CPQ: variants seen among roughly 807,000 people sequenced by gnomAD.
The protein encoded by CPQ is carboxypeptidase Q, also known as Ser-Met dipeptidase.
In CPQ, 37 loss-of-function variants were observed where a neutral mutation model predicts 45.7. That is an observed-to-expected ratio of 0.81 (90% CI 0.62 to 1.07). CPQ has a LOEUF of 1.07. CPQ is among the 50% of genes least tolerant of loss of function. The pLI is 0.00. For missense variants in CPQ, 537 were observed against 572.9 expected (o/e 0.94, Z 0.64); for synonymous variants, 186 against 205.8 (o/e 0.90, Z 0.82).
At chr8:97,100,066 A>G (rs767332403) in intron 7 of CPQ, among the ~76,000 whole-genome samples, 5 of 152,236 alleles carry the variant, frequency 3.3e-5, no homozygotes, top group Non-Finnish European at 7.3e-5. Flanking sequence ...AAGCAGAAGC[A>G]TAGCTACTGT....
chr8:96,994,042 A>G (rs1380179353), intron 5 of CPQ, among the ~76,000 whole-genome samples: 1 of 152,062 alleles, frequency 6.6e-6, no homozygotes, highest in East Asian at 1.9e-4. Flanking sequence ...TTCAACCCTC[A>G]CTTTCCCTGG....
At chr8:97,130,924 C>T (rs1267733818) in intron 7 of CPQ, among the ~76,000 whole-genome samples, 1 of 152,010 alleles carries the variant, frequency 6.6e-6, no homozygotes, top group African/African-American at 2.4e-5. Flanking sequence ...TGCATCTCTT[C>T]ATCAGGTAGT....
intron 5 of CPQ, among the ~76,000 whole-genome samples, chr8:97,008,074 C>T (rs960428371): frequency 6.6e-6 from 1 of 152,110 alleles, no homozygotes; most frequent in Admixed American, 6.5e-5. Flanking sequence ...GCTTCCTGAA[C>T]TATCGCCTCT....
intron 2 of CPQ, among the ~76,000 whole-genome samples, chr8:96,800,617 A>G (rs192885964): frequency 4.7e-4 from 71 of 152,186 alleles, no homozygotes; most frequent in African/African-American, 1.7e-3. Context: ...AGGGACTATG[A>G]CAAAACAGTT....
intron 5 of CPQ, among the ~76,000 whole-genome samples, chr8:97,021,746 G>A (rs1239901930): frequency 6.6e-6 from 1 of 152,138 alleles, no homozygotes; most frequent in Non-Finnish European, 1.5e-5. Flanking sequence ...TCCCATGCTT[G>A]TGAATAGGTA....
At chr8:96,736,939 GCTACATCTGTAGTTGT>G (rs1453296866) in intron 1 of CPQ, among the ~76,000 whole-genome samples, 1 of 151,860 alleles carries the variant, frequency 6.6e-6, no homozygotes, top group Non-Finnish European at 1.5e-5. Context: ...TTTAATATCT[GCTACATCTGTAGTTGT>G]GTCCCTTTTT....
chr8:96,672,383 C>T (rs1809015677), intron 1 of CPQ, among the ~76,000 whole-genome samples: 1 of 152,088 alleles, frequency 6.6e-6, no homozygotes, highest in Admixed American at 6.6e-5. Flanking sequence ...AATATCCCTG[C>T]CTTGATGGAA....
intron 7 of CPQ, among the ~76,000 whole-genome samples, chr8:97,101,599 G>A (rs1034395460): frequency 1.4e-5 from 1 of 69,724 alleles, no homozygotes; most frequent in African/African-American, 5.5e-5. Context: ...TTTGCCTTTT[G>A]ACCAGGAAAA....
At chr8:96,760,306 A>G (rs1354965508) in intron 1 of CPQ, among the ~76,000 whole-genome samples, 1 of 152,206 alleles carries the variant, frequency 6.6e-6, no homozygotes, top group East Asian at 1.9e-4. Context: ...ATTAAAACCC[A>G]TATCACAGGA....
At chr8:96,858,600 C>G (rs1228542756) in intron 3 of CPQ, among the ~76,000 whole-genome samples, 1 of 152,186 alleles carries the variant, frequency 6.6e-6, no homozygotes, top group African/African-American at 2.4e-5. Context: ...CAGTCTCTCT[C>G]CTGCCCTTTC....
At chr8:96,738,862 G>A (rs1409868650) in intron 1 of CPQ, among the ~76,000 whole-genome samples, 1 of 151,970 alleles carries the variant, frequency 6.6e-6, no homozygotes, top group Non-Finnish European at 1.5e-5. Context: ...GTCTATCATT[G>A]TTGGACATTT....
chr8:97,029,296 C>A (rs1809853158), intron 5 of CPQ, 107 bp from the exon 6 acceptor site: 3 of 1,047,214 alleles, frequency 2.9e-6, no homozygotes, highest in East Asian at 2.6e-5. Flanking sequence ...GAGTTGAATG[C>A]CTCTGATTTC....
intron 2 of CPQ, among the ~76,000 whole-genome samples, chr8:96,824,118 G>C (rs1811346986): frequency 1.3e-5 from 2 of 151,996 alleles, no homozygotes; most frequent in African/African-American, 4.8e-5. Context: ...TAGATAAAAT[G>C]TATGGATGAA....
At chr8:96,931,019 C>G (rs923185178) in intron 4 of CPQ, among the ~76,000 whole-genome samples, 4 of 152,184 alleles carry the variant, frequency 2.6e-5, no homozygotes, top group African/African-American at 9.7e-5. Context: ...TGTTCTTCCC[C>G]TGTCTTCTGT....
intron 1 of CPQ, among the ~76,000 whole-genome samples, chr8:96,717,024 AATATATATATATATATATAT>A (rs58338307): frequency 0.16 from 9,137 of 56,582 alleles, 768 homozygotes; most frequent in Non-Finnish European, 0.2. Context: ...CCATGATATA[AATATATATATATATATATAT>A]ATATATATAT....
intron 4 of CPQ, among the ~76,000 whole-genome samples, chr8:96,909,541 G>A (rs529454684): frequency 2.3e-4 from 35 of 152,290 alleles, no homozygotes; most frequent in African/African-American, 7.9e-4. Context: ...TTTAATGAGA[G>A]GGAGAGCTGT....
rs148210243 is a variant in CPQ at position 96,987,678 on chromosome 8, T to C, written c.961+21632T>C. On this transcript the variant is annotated intron_variant, in intron 5 of 7. Transcript: ENST00000220763. ...GAATCATTTTTCTTTTGTCCTTCCT[T>C]GACTCCATCTTAAACATCACATTAC... Among the ~76,000 whole-genome samples, 49 of 152,348 alleles carry C rather than the reference T, an allele frequency of 3.2e-4. No homozygotes were observed. The East Asian group carries it at 7.9e-3, about 25-fold the overall frequency.
At chr8:97,111,664 C>T (rs375456100) in intron 7 of CPQ, among the ~76,000 whole-genome samples, 67 of 152,324 alleles carry the variant, frequency 4.4e-4, no homozygotes, top group African/African-American at 1.5e-3. Flanking sequence ...TTCAAGAGCA[C>T]ATGTTAGAGC....
At chr8:97,004,620 T>C in intron 5 of CPQ, among the ~76,000 whole-genome samples, 1 of 152,262 alleles carries the variant, frequency 6.6e-6, no homozygotes. Flanking sequence ...ATGTTATTTG[T>C]AATGTTAAAT....
Sources: allele counts gnomAD v4.1 joint callset (sites outside exome capture counted in the v4.1 genomes callset), GRCh38; gene constraint gnomAD v4.1.1; transcripts MANE v1.5; gene names NCBI Gene and HGNC (gene_info 2026-07-23, HGNC 2026-07-21).